OLFM1: variants seen among roughly 807,000 people sequenced by gnomAD.
OLFM1 encodes the protein noelin.
OLFM1 carries 9 observed loss-of-function variants against 49.7 expected under a neutral mutation model. The observed-to-expected ratio is 0.18, with a 90% CI of 0.11 to 0.32. The LOEUF (loss-of-function observed/expected upper bound fraction) is 0.32, where lower values mean the gene tolerates loss of function less well. OLFM1 is among the 10% of genes least tolerant of loss of function. The pLI is 1.00. For synonymous variants in OLFM1, 240 were observed against 271.8 expected (o/e 0.88, Z 1.15); for missense variants, 369 against 661.8 (o/e 0.56, Z 4.85).
At chr9:135,079,028 A>G (rs1349512629) in intron 1 of OLFM1, among the ~76,000 whole-genome samples, 2 of 152,088 alleles carry the variant, frequency 1.3e-5, no homozygotes, top group Non-Finnish European at 1.5e-5. Flanking sequence ...CTCTCCTTAG[A>G]CAAGCATTTC....
upstream of OLFM1, chr9:135,087,539 C>A (rs1830614264): frequency 7.9e-7 from 1 of 1,273,830 alleles, no homozygotes; most frequent in East Asian, 3.1e-5. Context: ...TCGCTGCCAG[C>A]AGCCAGGGGG....
intron 1 of OLFM1, among the ~76,000 whole-genome samples, chr9:135,078,825 A>T (rs1395987742): frequency 6.6e-6 from 1 of 152,142 alleles, no homozygotes; most frequent in Non-Finnish European, 1.5e-5. Flanking sequence ...TGTAGCAACA[A>T]CCTTGAACCC....
exon 1 of OLFM1, chr9:135,075,564 C>A (rs923971247): frequency 2.1e-6 from 1 of 484,862 alleles, no homozygotes; most frequent in South Asian, 3.9e-5. Context: ...GCAGCAGAGC[C>A]CGCGCGCCGC....
chr9:135,095,269 T>C (rs937807380), intron 2 of OLFM1: 1 of 152,256 alleles, frequency 6.6e-6, no homozygotes, highest in African/African-American at 2.4e-5. Flanking sequence ...GTGTGATGGA[T>C]GGCATAGCAG....
At chr9:135,110,237 C>T (rs1375476744) in intron 5 of OLFM1, among the ~76,000 whole-genome samples, 1 of 152,148 alleles carries the variant, frequency 6.6e-6, no homozygotes, top group Non-Finnish European at 1.5e-5. Flanking sequence ...ACCCCTTCCC[C>T]AGCTCGGAGG....
At chr9:135,092,193 G>A (rs906925318) in intron 2 of OLFM1, among the ~76,000 whole-genome samples, 3 of 152,202 alleles carry the variant, frequency 2.0e-5, no homozygotes, top group African/African-American at 4.8e-5. Context: ...CAGGAAGCTC[G>A]AGACAAAGCA....
intron 1 of OLFM1, among the ~76,000 whole-genome samples, chr9:135,081,976 T>C (rs2119088041): frequency 6.6e-6 from 1 of 152,340 alleles, no homozygotes; most frequent in East Asian, 1.9e-4. Context: ...CGTCCTCGTG[T>C]GTGGCTGCTC....
At chr9:135,100,503 G>A (rs559156001) in intron 4 of OLFM1, among the ~76,000 whole-genome samples, 7 of 152,328 alleles carry the variant, frequency 4.6e-5, no homozygotes, top group East Asian at 3.9e-4. Context: ...TCACCTCTGC[G>A]TTTAATTCTT....
chr9:135,102,030 T>C (rs967920512), intron 4 of OLFM1, among the ~76,000 whole-genome samples: 2 of 152,226 alleles, frequency 1.3e-5, no homozygotes, highest in Non-Finnish European at 2.9e-5. Context: ...GTCGGGTCTT[T>C]TTGTTTCACT....
chr9:135,076,366 G>T lies in OLFM1; in HGVS notation c.96+564G>T, dbSNP rs1830466435. ...GCTGGCTTAATATGCAGGGCTTGGG[G>T]GGCTGTGGCCACATGCCCGGCAGGA... On this transcript the variant is annotated intron_variant, in intron 1 of 5. Transcript: ENST00000252854. 2.0e-6 allele frequency: 3 copies of T among 1,530,638 alleles called. No individual in the cohort carries two copies. The East Asian group carries it at 7.4e-5, about 38-fold the overall frequency. The allele number at this position is 1,530,638 out of a possible 1,614,324, so 94.8% of individuals were successfully genotyped here.
intron 5 of OLFM1, among the ~76,000 whole-genome samples, chr9:135,109,053 C>T (rs1830985989): frequency 6.6e-6 from 1 of 152,194 alleles, no homozygotes; most frequent in Non-Finnish European, 1.5e-5. Flanking sequence ...GCAGTCACCT[C>T]CCTGCTGCAG....
intron 5 of OLFM1, among the ~76,000 whole-genome samples, chr9:135,111,259 T>C (rs1831018246): frequency 6.6e-6 from 1 of 152,220 alleles, no homozygotes; most frequent in Non-Finnish European, 1.5e-5. Flanking sequence ...CCCGTTGCTT[T>C]ATCTTTTCCG....
At chr9:135,078,026 G>A (rs927898972) in intron 1 of OLFM1, among the ~76,000 whole-genome samples, 1 of 152,214 alleles carries the variant, frequency 6.6e-6, no homozygotes, top group Admixed American at 6.5e-5. Context: ...GGCATCTGGG[G>A]TCGGGAATGG....
rs199926578 is a variant in OLFM1 at position 135,091,833 on chromosome 9, TCA to T, written c.300+1499_300+1500del. On this transcript the variant is annotated intron_variant, in intron 2 of 5. Coordinates refer to ENST00000371793, the MANE Select transcript of OLFM1 (RefSeq NM_001282611.2). Reference sequence around the variant, plus strand: ...CTCACATAGTCACACACACTCACAGTCACACACACACTCACACATAGTCACAC... The same window carrying T: ...CTCACATAGTCACACACACTCACAGTCACACACACTCACACATAGTCACAC... Among the ~76,000 whole-genome samples the T allele has an allele frequency of 7.5e-3, 536 of 71,274 alleles. 1 individual carries two copies. The highest frequency in any genetic ancestry group is 0.017 in the African/African-American group (279 of 16,326). The allele number at this position is 71,274 out of a possible 152,430, so 46.8% of individuals were successfully genotyped here.
At chr9:135,110,189 T>A (rs138124580) in intron 5 of OLFM1, among the ~76,000 whole-genome samples, 235 of 152,310 alleles carry the variant, frequency 1.5e-3, no homozygotes, top group Middle Eastern at 3.4e-3. Flanking sequence ...CCTGCCAGGC[T>A]GTGTTCCCAC....
chr9:135,076,993 A>G, intron 1 of OLFM1: 1 of 1,550,558 alleles, frequency 6.4e-7, no homozygotes, highest in Non-Finnish European at 8.7e-7. Flanking sequence ...CGTCCCGCTT[A>G]CCCTCAGAGC....
intron 1 of OLFM1, chr9:135,077,108 G>A (rs1830477785): frequency 6.4e-7 from 1 of 1,550,462 alleles, no homozygotes; most frequent in African/African-American, 1.4e-5. Context: ...GGTGGAGGGT[G>A]GTGGTTGTGC....
rs113214887 is a variant in OLFM1 at position 135,095,530 on chromosome 9, A to AAAGAG, written c.301-333_301-332insAGAGA. On this transcript the variant is annotated intron_variant, in intron 2 of 5. Coordinates refer to ENST00000371793, the MANE Select transcript of OLFM1 (RefSeq NM_001282611.2). ...CCACCACTACCAAAAAAAAAAAAAAAAGAGAGAGAGAGAGATCAAGAGAAA... is the reference window on the plus strand; with the variant it reads ...CCACCACTACCAAAAAAAAAAAAAAAAAGAGAGAGAGAGAGAGAGATCAAGAGAAA... Among the ~76,000 whole-genome samples, 17 of 137,272 alleles carry AAAGAG rather than the reference A, an allele frequency of 1.2e-4. No individual in the cohort carries two copies. In the East Asian group the frequency reaches 2.3e-3, roughly 19 times the overall value. 90.1% of individuals were successfully genotyped at this position (137,272 alleles called of 152,430 possible).
intron 2 of OLFM1, among the ~76,000 whole-genome samples, chr9:135,091,149 C>T (rs1331724500): frequency 1.3e-5 from 2 of 152,220 alleles, no homozygotes. Flanking sequence ...TCACCTGGTT[C>T]AGTCTCCTCC....
Sources: gnomAD v4.1 joint callset for allele counts (sites outside exome capture counted in the v4.1 genomes callset) on GRCh38, gnomAD v4.1.1 for gene constraint, MANE v1.5 for transcripts, NCBI Gene and HGNC (gene_info 2026-07-23, HGNC 2026-07-21) for gene names.